MEGF10: variants seen among roughly 807,000 people sequenced by gnomAD.
The protein encoded by MEGF10 is multiple EGF like domains 10.
Under a neutral mutation model 147.5 loss-of-function variants are expected in MEGF10, and 86 were observed. The observed-to-expected ratio is 0.58, with a 90% CI of 0.49 to 0.70. The LOEUF is 0.70. Among genes scored for constraint, MEGF10 ranks in the 30% least tolerant of loss-of-function variants. The pLI, the probability that MEGF10 is intolerant of heterozygous loss-of-function variation, is 0.00. For missense variants in MEGF10, 1,329 were observed against 1,487.3 expected, an observed-to-expected ratio of 0.89 and a Z score of 1.75; for synonymous variants, 478 against 525.5, an observed-to-expected ratio of 0.91 and a Z score of 1.24.
Position 127,435,383 on chromosome 5 carries a change from G to A in MEGF10, c.1998G>A (p.Gly666=). Residue 666 remains glycine (G), a synonymous_variant, in exon 16 of 25, where the codon GGG becomes GGA. Coordinates refer to ENST00000503335, the MANE Select transcript of MEGF10 (RefSeq NM_001256545.2). ...CNEVCPSGRF[G]KNCAGICTCT... The stretch of plus-strand genomic sequence containing the variant: ...CAGTGTGTCCCAGTGGCAGATTTGG[G>A]AAAAACTGTGCAGGAATTTGTACCT... 1 of 1,614,084 alleles carries A rather than the reference G, an allele frequency of 6.2e-7. No individual in the cohort carries two copies. The highest frequency in any genetic ancestry group is 8.5e-7 in the Non-Finnish European group (1 of 1,179,990).
chr5:127,459,604 G>C lies in MEGF10; in HGVS notation c.*2286G>C, dbSNP rs1317307525. The C allele has an allele frequency of 2.6e-5, 4 of 152,080 alleles. No homozygotes were observed. Among genetic ancestry groups the C allele is most frequent in the Non-Finnish European group, 5.9e-5 (4 of 68,022 alleles). 9.4% of individuals were successfully genotyped at this position (152,080 alleles called of 1,614,324 possible). A position where few individuals can be genotyped will look rare whatever the true frequency, so the allele number is the denominator to read the frequency against. ...TTTCTTATTCCACTATTAATAAATTGAAAGCTTGCTGTACAAAGGCAACAG... is the reference window on the plus strand; with the variant it reads ...TTTCTTATTCCACTATTAATAAATTCAAAGCTTGCTGTACAAAGGCAACAG... On this transcript the variant is annotated 3_prime_UTR_variant, in exon 25 of 25. Coordinates refer to ENST00000503335, the MANE Select transcript of MEGF10 (RefSeq NM_001256545.2).
chr5:127,392,747 G>A (rs1362812069), intron 5 of MEGF10, among the ~76,000 whole-genome samples: 2 of 152,204 alleles, frequency 1.3e-5, no homozygotes, highest in Non-Finnish European at 2.9e-5. Flanking sequence ...TGAGTCTATT[G>A]TCTTGAGAAG....
At chr5:127,305,616 A>T (rs1471775464) in intron 1 of MEGF10, among the ~76,000 whole-genome samples, 1 of 152,148 alleles carries the variant, frequency 6.6e-6, no homozygotes. Flanking sequence ...CATTAAAAAA[A>T]ACAACAAAGC....
chr5:127,434,258 C>G lies in MEGF10; in HGVS notation c.1841-429C>G, dbSNP rs184282205. ...AGGAGGAAAAATCTTCAAATTTTGA[C>G]TGTTGATCGATTTTTATTGCCAGAA... is the stretch of plus-strand genomic sequence containing the variant. On this transcript the variant is annotated intron_variant, in intron 14 of 24. Coordinates refer to ENST00000503335, the MANE Select transcript of MEGF10 (RefSeq NM_001256545.2). 2.8e-3 allele frequency among the ~76,000 whole-genome samples: 433 copies of G among 152,162 alleles called. 3 individuals carry two copies. The highest frequency in any genetic ancestry group is 9.9e-3 in the African/African-American group (412 of 41,536).
the MEGF10 span, among the ~76,000 whole-genome samples, chr5:127,243,640 T>C: frequency 1.3e-5 from 2 of 152,138 alleles, no homozygotes; most frequent in African/African-American, 4.8e-5. Context: ...AAAGAAATAA[T>C]CCAAAACATG....
chr5:127,323,903 T>C (rs1580713053), intron 1 of MEGF10, among the ~76,000 whole-genome samples: 2 of 152,350 alleles, frequency 1.3e-5, no homozygotes, highest in Middle Eastern at 6.8e-3. Context: ...GGTCTCTCCA[T>C]ATGGCTGCTT....
chr5:127,240,109 G>A, the MEGF10 span, among the ~76,000 whole-genome samples: 1 of 152,242 alleles, frequency 6.6e-6, no homozygotes, highest in South Asian at 2.1e-4. Context: ...TGGCCTCAGG[G>A]CAGTTTTAGG....
In MEGF10 at chr5:127,457,670, A is replaced by G. The variant is rs531473621; in HGVS notation, c.*352A>G. On this transcript the variant is annotated 3_prime_UTR_variant, in exon 25 of 25. Coordinates refer to ENST00000503335, the MANE Select transcript of MEGF10 (RefSeq NM_001256545.2). The stretch of plus-strand genomic sequence containing the variant: ...TGTTGCTTGAAAAATTAAAATTTGA[A>G]TATTTTCTCTCTCATTTGCATCATA... The G allele has an allele frequency of 4.1e-6, 1 of 242,652 alleles. No homozygotes were observed. The highest frequency in any genetic ancestry group is 8.1e-6 in the Non-Finnish European group (1 of 124,174). The allele number at this position is 242,652 out of a possible 1,614,324, so 15.0% of individuals were successfully genotyped here. A position where few individuals can be genotyped will look rare whatever the true frequency, so the allele number is the denominator to read the frequency against.
At chr5:127,438,387 C>G in intron 16 of MEGF10, 52 bp from the exon 17 acceptor site, 4 of 1,597,408 alleles carry the variant, frequency 2.5e-6, no homozygotes, top group Non-Finnish European at 3.4e-6. Context: ...ATTCTCCCTA[C>G]TTAGTATTGG....
At chr5:127,235,936 G>A in the MEGF10 span, among the ~76,000 whole-genome samples, 1 of 151,654 alleles carries the variant, frequency 6.6e-6, no homozygotes, top group Non-Finnish European at 1.5e-5. Context: ...TTTTAAAGAG[G>A]GTGCATATAT....
chr5:127,452,151 C>T (rs1490128063), intron 22 of MEGF10, among the ~76,000 whole-genome samples: 1 of 152,184 alleles, frequency 6.6e-6, no homozygotes, highest in Non-Finnish European at 1.5e-5. Context: ...CCCTGATCCT[C>T]CAAGGCAATG....
At chr5:127,321,001 A>T (rs1192875910) in intron 1 of MEGF10, among the ~76,000 whole-genome samples, 1 of 152,224 alleles carries the variant, frequency 6.6e-6, no homozygotes, top group Non-Finnish European at 1.5e-5. Context: ...AGTCTCTTAG[A>T]GTATCTAACT....
In MEGF10 at chr5:127,445,545, A is replaced by G. The variant is rs1309110683; in HGVS notation, c.2580A>G (p.Ala860=). The part of the protein sequence containing the change: ...PADSYQIGAI[A]GIIILVLVVL... ...ATTCCTACCAGATCGGGGCCATTGC[A>G]GGCATCATCATTCTTGTCCTAGTTG... is the stretch of plus-strand genomic sequence containing the variant. Residue 860 remains alanine (A), a synonymous_variant, in exon 20 of 25, where the codon GCA becomes GCG. Coordinates refer to ENST00000503335, the MANE Select transcript of MEGF10 (RefSeq NM_001256545.2). 1.9e-6 allele frequency: 3 copies of G among 1,614,096 alleles called. No homozygotes were observed. The highest frequency in any genetic ancestry group is 1.7e-6 in the Non-Finnish European group (2 of 1,179,996).
intron 4 of MEGF10, among the ~76,000 whole-genome samples, chr5:127,354,681 G>T (rs1299787700): frequency 6.6e-6 from 1 of 152,146 alleles, no homozygotes; most frequent in Admixed American, 6.5e-5. Context: ...CACACACCTG[G>T]CTAAAGGCTC....
intron 18 of MEGF10, among the ~76,000 whole-genome samples, chr5:127,441,502 C>G (rs995833158): frequency 6.6e-6 from 1 of 152,170 alleles, no homozygotes; most frequent in Admixed American, 6.5e-5. Flanking sequence ...ACCCCACTAG[C>G]TATGCATCCC....
intron 13 of MEGF10, among the ~76,000 whole-genome samples, chr5:127,429,678 A>G (rs1281334366): frequency 6.6e-6 from 1 of 151,942 alleles, no homozygotes; most frequent in Non-Finnish European, 1.5e-5. Flanking sequence ...TCTTCCCCGC[A>G]TCTCTGCTGA....
chr5:127,395,495 A>C (rs1012846331), intron 5 of MEGF10, among the ~76,000 whole-genome samples: 16 of 147,132 alleles, frequency 1.1e-4, no homozygotes, highest in African/African-American at 4.0e-4. Context: ...TTTGGTCAGT[A>C]ATTCAGATTA....
At chr5:127,323,164 C>G (rs1324513756) in intron 1 of MEGF10, among the ~76,000 whole-genome samples, 1 of 151,878 alleles carries the variant, frequency 6.6e-6, no homozygotes, top group Non-Finnish European at 1.5e-5. Context: ...AAAAGTAGCC[C>G]AAGTGCGGAA....
chr5:127,237,952 T>G, the MEGF10 span, among the ~76,000 whole-genome samples: 1 of 151,854 alleles, frequency 6.6e-6, no homozygotes, highest in South Asian at 2.1e-4. Flanking sequence ...TAGTTCTCAT[T>G]AAATGATGTT....
Sources: gnomAD v4.1 joint callset for allele counts (sites outside exome capture counted in the v4.1 genomes callset) on GRCh38, gnomAD v4.1.1 for gene constraint, MANE v1.5 for transcripts, NCBI Gene and HGNC (gene_info 2026-07-23, HGNC 2026-07-21) for gene names.